MUC5B: variants seen among roughly 807,000 people sequenced by gnomAD.
MUC5B encodes the protein mucin 5B, oligomeric mucus/gel-forming, also known as mucin-5B.
Under a neutral mutation model 376.9 loss-of-function variants are expected in MUC5B, and 116 were observed. The ratio of observed to expected loss-of-function variants is 0.31; its 90% CI spans 0.26 to 0.36. MUC5B has a LOEUF of 0.36. Among genes scored for constraint, MUC5B ranks in the 10% least tolerant of loss-of-function variants. The pLI, the probability that MUC5B is intolerant of heterozygous loss-of-function variation, is 1.00. For missense variants in MUC5B, 7,165 were observed against 7,769.9 expected (o/e 0.92, Z 2.93); for synonymous variants, 3,517 against 3,390.9 (o/e 1.04, Z -1.29).
chr11:1,251,396 C>A lies in MUC5B; in HGVS notation c.14516C>A (p.Ser4839Tyr), dbSNP rs375836524. 91 of 1,612,496 alleles carry A rather than the reference C, an allele frequency of 5.6e-5. No individual in the cohort carries two copies. The highest frequency in any genetic ancestry group is 7.4e-5 in the Non-Finnish European group (87 of 1,179,186). Residue 4839 changes from serine to tyrosine, a missense_variant, in exon 31 of 49, where the codon TCC (serine) becomes TAC (tyrosine). By Grantham distance (144) the Ser-to-Tyr change is moderately radical. Coordinates refer to ENST00000529681, the MANE Select transcript of MUC5B (RefSeq NM_002458.3). ...TAATGSTATL[S>Y]STPGTTWILT... ...GCCACTGGATCCACGGCCACCCTGT[C>A]CTCCACCCCAGGGACCACCTGGATC...
At position 1,228,551 on chromosome 11, in the gene MUC5B, C is replaced by T; in HGVS notation, c.775-13C>T. 1 of 1,505,956 alleles carries T rather than the reference C, an allele frequency of 6.6e-7. No individual in the cohort carries two copies. The highest frequency in any genetic ancestry group is 8.9e-7 in the Non-Finnish European group (1 of 1,126,642). 93.3% of individuals were successfully genotyped at this position (1,505,956 alleles called of 1,614,324 possible). ...TGGCAGGGGTGCCCAGCCTGGCCCA[C>T]TGTGCTCCCCAGGAGGGCATCTGCC... On this transcript the variant is annotated splice_polypyrimidine_tract_variant and intron_variant, in intron 7 of 48. Coordinates refer to ENST00000529681, the MANE Select transcript of MUC5B (RefSeq NM_002458.3).
At position 1,240,303 on chromosome 11, in the gene MUC5B, G is replaced by A. The variant is rs1167838573; in HGVS notation, c.3898G>A (p.Val1300Met). ...GSNGTIIRKA[V>M]ACPGTPATTP... ...CAACGGCACCATCATCAGGAAGGCT[G>A]TGGCATGTCCTGGAACTCCAGCCAC... Residue 1300 changes from valine to methionine, a missense_variant, in exon 30 of 49, where the codon GTG becomes ATG. Physicochemically the swap from Val to Met is conservative, Grantham distance 21. This residue lies in a region of MUC5B where 517 missense variants were observed against 545.3 expected (regional missense o/e 0.95). Transcript: ENST00000529681. The A allele has an allele frequency of 1.9e-6, 3 of 1,613,554 alleles. 1 individual carries two copies. In the South Asian group the frequency reaches 3.3e-5, roughly 18 times the overall value.
intron 23 of MUC5B, among the ~76,000 whole-genome samples, chr11:1,236,092 G>A (rs983631980): frequency 6.6e-6 from 1 of 152,216 alleles, no homozygotes; most frequent in Admixed American, 6.5e-5. Flanking sequence ...GTGAGGGCGT[G>A]GGGGCTGCAG....
At chr11:1,230,665 A>T in intron 12 of MUC5B, 65 bp downstream of exon 12, 1 of 1,422,086 alleles carries the variant, frequency 7.0e-7, no homozygotes, top group Non-Finnish European at 9.6e-7. Context: ...GTGGGGAGCA[A>T]GCACGGTCAG....
Position 1,246,690 on chromosome 11 carries a change from T to C in MUC5B, c.9810T>C (p.Thr3270=). Residue 3270 remains threonine, a synonymous_variant, in exon 31 of 49, where the codon ACT becomes ACC. Transcript: ENST00000529681. ...TGTCCACAGCCACACCCTCCTCTACTCCAGAGACTGTCCACACCTCCACAG... is the reference window on the plus strand; with the variant it reads ...TGTCCACAGCCACACCCTCCTCTACCCCAGAGACTGTCCACACCTCCACAG... ...ATMSTATPSS[T]PETVHTSTVL... is the part of the protein sequence containing the mutation. 2.5e-6 allele frequency: 4 copies of C among 1,601,726 alleles called. No individual in the cohort carries two copies. Among genetic ancestry groups the C allele is most frequent in the East Asian group, 2.3e-5 (1 of 44,306 alleles).
Position 1,240,184 on chromosome 11 carries a change from C to T in MUC5B, c.3779C>T (p.Thr1260Ile), listed in dbSNP as rs1441898334. The change falls in exon 30 of 49, where the codon ACC becomes ATC. Residue 1260 changes from threonine to isoleucine, a missense_variant. Physicochemically the swap from Thr to Ile is moderately conservative, Grantham distance 89. Around this residue, in one of 31 missense-constraint regions of MUC5B, gnomAD observed 517 missense variants for 545.3 expected, o/e 0.95. Coordinates refer to ENST00000529681, the MANE Select transcript of MUC5B (RefSeq NM_002458.3). ...IQCAHSLEACTCTYEDRTYSY... is the reference protein window; with the variant it reads ...IQCAHSLEACICTYEDRTYSY... ...CTGCCGGCTCCATCCCCAGCCTGCA[C>T]CTGCACCTATGAGGACAGGACCTAC... The T allele has an allele frequency of 8.1e-6, 13 of 1,598,268 alleles. No homozygotes were observed. The highest frequency in any genetic ancestry group is 2.7e-5 in the African/African-American group (2 of 74,664).
In MUC5B at chr11:1,239,578, C is replaced by A; in HGVS notation, c.3583+12C>A. On this transcript the variant is annotated intron_variant, in intron 27 of 48. Coordinates refer to ENST00000529681, the MANE Select transcript of MUC5B (RefSeq NM_002458.3). ...GCCTGGCCTGGAAGGTGAGGGGCAG[C>A]CTTTCTTGGATGGAGCCTCCTCTCC... The A allele has an allele frequency of 6.4e-7, 1 of 1,551,154 alleles. No individual in the cohort carries two copies. Among genetic ancestry groups the A allele is most frequent in the Non-Finnish European group, 8.7e-7 (1 of 1,146,054 alleles).
Position 1,254,887 on chromosome 11 carries a change from G to A in MUC5B, c.15664+7G>A, listed in dbSNP as rs1247607129. On this transcript the variant is annotated splice_region_variant and intron_variant, in intron 35 of 48. Coordinates refer to ENST00000529681, the MANE Select transcript of MUC5B (RefSeq NM_002458.3). ...AACACCGAGGGCCAGTGCGGTGAGT[G>A]GGCGGCGGGTCCTGCCCCGGCCAGG... The A allele has an allele frequency of 1.2e-6, 2 of 1,609,202 alleles. No individual in the cohort carries two copies. The highest frequency in any genetic ancestry group is 1.7e-6 in the Non-Finnish European group (2 of 1,179,002).
intron 38 of MUC5B, 21 bp downstream of exon 38, chr11:1,256,246 T>A (rs1429713842): frequency 1.4e-6 from 1 of 718,730 alleles, no homozygotes; most frequent in African/African-American, 1.7e-5. Context: ...GGATGGCTGG[T>A]GCCTTCCCTG....
At position 1,234,181 on chromosome 11, in the gene MUC5B, C is replaced by T; in HGVS notation, c.2378-24C>T. Reference sequence around the variant, plus strand: ...GCCGTGGCTGCCCTTCCCCAGGACCCCTCCCACCAAGCTCTGTCCCCAGGG... The same window carrying T: ...GCCGTGGCTGCCCTTCCCCAGGACCTCTCCCACCAAGCTCTGTCCCCAGGG... On this transcript the variant is annotated intron_variant, in intron 19 of 48. Coordinates refer to ENST00000529681, the MANE Select transcript of MUC5B (RefSeq NM_002458.3). The surrounding 1 kb of genome is among the most constrained non-coding windows in gnomAD (Gnocchi z 6.3). The T allele has an allele frequency of 3.8e-6, 6 of 1,570,214 alleles. No homozygotes were observed. Among genetic ancestry groups the T allele is most frequent in the Non-Finnish European group, 5.2e-6 (6 of 1,155,284 alleles).
At chr11:1,230,627 T>C (rs1590169805) in intron 12 of MUC5B, 27 bp downstream of exon 12, 1 of 1,580,812 alleles carries the variant, frequency 6.3e-7, no homozygotes, top group Middle Eastern at 1.7e-4. Context: ...GGCCCTGGGC[T>C]GGGACAGGAA....
Position 1,252,425 on chromosome 11 carries a change from C to T in MUC5B, c.14946C>T (p.Phe4982=), listed in dbSNP as rs1862729997. The change falls in exon 32 of 49, where the codon TTC becomes TTT. Residue 4982 remains phenylalanine (F), a synonymous_variant. Coordinates refer to ENST00000529681, the MANE Select transcript of MUC5B (RefSeq NM_002458.3). ...ATCAGCACTGTGACATTGACCGCTT[C>T]CAGGGCGCCTGTCCCACCTCCCCAC... ...VCNQHCDIDR[F]QGACPTSPPP... 1.2e-6 allele frequency: 2 copies of T among 1,611,326 alleles called. No homozygotes were observed. Among genetic ancestry groups the T allele is most frequent in the East Asian group, 2.2e-5 (1 of 44,870 alleles).
At chr11:1,260,575 C>T in intron 47 of MUC5B, 51 bp from the exon 48 acceptor site, 1 of 1,546,460 alleles carries the variant, frequency 6.5e-7, no homozygotes, top group Non-Finnish European at 8.9e-7. Flanking sequence ...AAGTCCAGGC[C>T]CTCAGAGTGA....
rs1269670262 is a variant in MUC5B, at chr11:1,241,168, G to T, written c.4288G>T (p.Val1430Leu). 1.2e-6 allele frequency: 2 copies of T among 1,601,608 alleles called. No homozygotes were observed. Among genetic ancestry groups the T allele is most frequent in the Middle Eastern group, 1.7e-4 (1 of 6,050 alleles). ...YELRVLCCEY[V>L]PCGPSPAPGT... ...GCTGCGGGTTCTCTGCTGCGAATAC[G>T]TGCCCTGTGGCCCCTCCCCGGCCCC... is the stretch of plus-strand genomic sequence containing the variant. Residue 1430 changes from valine (V) to leucine (L), a missense_variant, in exon 31 of 49, where the codon GTG (valine) becomes TTG (leucine). Transcript: ENST00000529681.
In MUC5B at chr11:1,251,039, G is replaced by C; in HGVS notation, c.14159G>C (p.Ser4720Thr). The change falls in exon 31 of 49, where the codon AGC becomes ACC. Residue 4720 changes from serine (S) to threonine (T), a missense_variant. Physicochemically the swap from Ser to Thr is moderately conservative, Grantham distance 58. Transcript: ENST00000529681. The stretch of plus-strand genomic sequence containing the variant: ...ACGGCCACCACACCCGCAGCCACCA[G>C]CTCCAAAGCCACTTCCTCCTCCAGT... ...TSTATTPAAT[S>T]SKATSSSSPR... 1.2e-6 allele frequency: 2 copies of C among 1,610,906 alleles called. No homozygotes were observed. The highest frequency in any genetic ancestry group is 1.7e-6 in the Non-Finnish European group (2 of 1,178,052).
chr11:1,238,934 G>A lies in MUC5B; in HGVS notation c.3361G>A (p.Asp1121Asn), dbSNP rs778869673. ...CGCGTGTGCCTGCGACTCGGGTGGC[G>A]ACTGCGAGTGTTTCTGCACGGCTGT... Reference protein sequence around the residue: ...NDACACDSGGDCECFCTAVAA... With the variant: ...NDACACDSGGNCECFCTAVAA... The change falls in exon 26 of 49, where the codon GAC becomes AAC. Residue 1121 changes from aspartate (D) to asparagine (N), a missense_variant. Around this residue, in one of 31 missense-constraint regions of MUC5B, gnomAD observed 143 missense variants for 193.2 expected, o/e 0.74. Transcript: ENST00000529681. 13 of 1,574,560 alleles carry A rather than the reference G, an allele frequency of 8.3e-6. No individual in the cohort carries two copies. In the Admixed American group the frequency reaches 1.7e-4, roughly 20 times the overall value.
rs761815884 is a variant in MUC5B at position 1,244,204 on chromosome 11, A to T, written c.7324A>T (p.Thr2442Ser). 3 of 1,610,716 alleles carry T rather than the reference A, an allele frequency of 1.9e-6. No individual in the cohort carries two copies. The highest frequency in any genetic ancestry group is 2.5e-6 in the Non-Finnish European group (3 of 1,178,592). ...TTWILTELTT[T>S]ATTTESTGST... ...CTGGATCCTCACAGAGCTGACCACA[A>T]CAGCCACTACGACTGAGTCCACTGG... The change falls in exon 31 of 49, where the codon ACA becomes TCA. Residue 2442 changes from threonine (T) to serine (S), a missense_variant. Transcript: ENST00000529681.
Position 1,250,726 on chromosome 11 carries a change from C to G in MUC5B, c.13846C>G (p.Pro4616Ala), listed in dbSNP as rs1455330432. 1.9e-6 allele frequency: 3 copies of G among 1,611,812 alleles called. No individual in the cohort carries two copies. Among genetic ancestry groups the G allele is most frequent in the Non-Finnish European group, 2.5e-6 (3 of 1,178,998 alleles). The change falls in exon 31 of 49, where the codon CCA becomes GCA. Residue 4616 changes from proline to alanine, a missense_variant. Around this residue, in one of 31 missense-constraint regions of MUC5B, gnomAD observed 730 missense variants for 592.7 expected, o/e 1.23. Coordinates refer to ENST00000529681, the MANE Select transcript of MUC5B (RefSeq NM_002458.3). ...CAGCCCAGGGACGGCACTCACGCCT[C>G]CAGTGTGGATCAGCACAACCACCAC... ...SSSPGTALTPPVWISTTTTPT... is the reference protein window; with the variant it reads ...SSSPGTALTPAVWISTTTTPT...
intron 15 of MUC5B, 109 bp downstream of exon 15, chr11:1,232,269 G>A: frequency 7.1e-7 from 1 of 1,401,608 alleles, no homozygotes; most frequent in Non-Finnish European, 9.6e-7. Flanking sequence ...ACCCCATGGA[G>A]GCAGGTGGGA....
Sources: gnomAD v4.1 joint callset for allele counts (sites outside exome capture counted in the v4.1 genomes callset) on GRCh38, gnomAD v4.1.1 for gene constraint, gnomAD v4.1.1 regional missense constraint, Gnocchi (gnomAD v3.1) non-coding constraint, MANE v1.5 for transcripts, NCBI Gene and HGNC (gene_info 2026-07-23, HGNC 2026-07-21) for gene names.